FHAD1: variants seen among roughly 807,000 people sequenced by gnomAD.
The protein encoded by FHAD1 is forkhead-associated domain-containing protein 1.
FHAD1 carries 146 observed loss-of-function variants against 191.3 expected under a neutral mutation model. The ratio of observed to expected loss-of-function variants is 0.76; its 90% CI spans 0.67 to 0.88. FHAD1 has a LOEUF of 0.88. FHAD1 is among the 40% of genes least tolerant of loss of function. FHAD1 has a pLI of 0.00. For synonymous variants in FHAD1, 616 were observed against 672.3 expected (o/e 0.92, Z 1.29); for missense variants, 1,635 against 1,785.8 (o/e 0.92, Z 1.52).
chr1:15,237,505 A>C (rs1644908381), intron 1 of FHAD1, among the ~76,000 whole-genome samples: 3 of 151,704 alleles, frequency 2.0e-5, no homozygotes, highest in Non-Finnish European at 4.4e-5. Flanking sequence ...GCTCCACCCC[A>C]CGTGGAAGCA....
At chr1:15,271,625 G>C (rs1656043455) in intron 2 of FHAD1, among the ~76,000 whole-genome samples, 2 of 152,080 alleles carry the variant, frequency 1.3e-5, no homozygotes, top group Non-Finnish European at 2.9e-5. Flanking sequence ...CTAATCGCAT[G>C]GGAAATATTT....
chr1:15,371,134 A>T (rs1697966093), intron 26 of FHAD1, among the ~76,000 whole-genome samples: 1 of 152,146 alleles, frequency 6.6e-6, no homozygotes, highest in Non-Finnish European at 1.5e-5. Context: ...CTCCTGTTGG[A>T]ATCCCAGGCT....
At chr1:15,257,697 C>G (rs1056535805) in intron 2 of FHAD1, among the ~76,000 whole-genome samples, 14 of 152,208 alleles carry the variant, frequency 9.2e-5, no homozygotes, top group African/African-American at 3.1e-4. Flanking sequence ...CCCTTCAGCA[C>G]GTGGAGGGCT....
chr1:15,299,041 A>C (rs1214309110), intron 5 of FHAD1, among the ~76,000 whole-genome samples: 1 of 151,044 alleles, frequency 6.6e-6, no homozygotes, highest in Non-Finnish European at 1.5e-5. Flanking sequence ...AAACAACAAC[A>C]ACAAAAAAAC....
At chr1:15,354,124 A>G (rs372364166) in intron 20 of FHAD1, among the ~76,000 whole-genome samples, 1 of 152,320 alleles carries the variant, frequency 6.6e-6, no homozygotes. Flanking sequence ...ATTCACATCA[A>G]CCTTGGATCA....
intron 14 of FHAD1, among the ~76,000 whole-genome samples, chr1:15,333,175 A>G (rs1478633128): frequency 6.6e-6 from 1 of 152,192 alleles, no homozygotes; most frequent in African/African-American, 2.4e-5. Context: ...GGTAAAAGGC[A>G]TTTTCTCTTC....
chr1:15,308,879 A>G, intron 7 of FHAD1, 143 bp downstream of exon 7: 1 of 1,282,584 alleles, frequency 7.8e-7, no homozygotes, highest in Non-Finnish European at 1.1e-6. Context: ...CCCTTTAGGC[A>G]GTTCCTGTCC....
At chr1:15,336,829 G>GCT (rs1173265170) in intron 14 of FHAD1, among the ~76,000 whole-genome samples, 4 of 152,168 alleles carry the variant, frequency 2.6e-5, no homozygotes, top group Non-Finnish European at 5.9e-5. Flanking sequence ...CCTGCCCAAC[G>GCT]CTCTTCATTC....
chr1:15,359,093 G>T (rs918383427), intron 21 of FHAD1, among the ~76,000 whole-genome samples: 2 of 152,164 alleles, frequency 1.3e-5, no homozygotes, highest in African/African-American at 4.8e-5. Flanking sequence ...GGACCTGATG[G>T]CATAGGGACG....
intron 2 of FHAD1, among the ~76,000 whole-genome samples, chr1:15,253,099 T>TA (rs1213358344): frequency 1.3e-5 from 2 of 151,872 alleles, no homozygotes. Context: ...AGTGGTTACT[T>TA]ACTATGTGTG....
At chr1:15,353,093 G>GAGA in intron 20 of FHAD1, 109 bp downstream of exon 20, 5 of 771,904 alleles carry the variant, frequency 6.5e-6, no homozygotes, top group Non-Finnish European at 1.1e-5. Flanking sequence ...CCTGGCTGGG[G>GAGA]GACTTCAGGC....
intron 14 of FHAD1, among the ~76,000 whole-genome samples, chr1:15,335,932 A>G (rs1683869195): frequency 6.6e-6 from 1 of 152,060 alleles, no homozygotes; most frequent in Admixed American, 6.5e-5. Flanking sequence ...CCTGGGTCAC[A>G]CGTTGCAGCC....
intron 18 of FHAD1, 108 bp downstream of exon 18, chr1:15,345,631 C>T (rs995412227): frequency 2.3e-5 from 21 of 913,896 alleles, no homozygotes; most frequent in African/African-American, 1.3e-4. Context: ...GAGCCTTCCT[C>T]GTGGAGTTTG....
chr1:15,368,666 C>A (rs1454189518), intron 25 of FHAD1, among the ~76,000 whole-genome samples: 1 of 152,136 alleles, frequency 6.6e-6, no homozygotes, highest in East Asian at 1.9e-4. Flanking sequence ...TAGACCAGGC[C>A]CAGTGGCTCA....
chr1:15,250,961 G>C (rs1780607), intron 1 of FHAD1, among the ~76,000 whole-genome samples: 44,063 of 151,928 alleles, frequency 0.29, 7,400 homozygotes, highest in Non-Finnish European at 0.39. Flanking sequence ...TGTGTGCCAG[G>C]CACCATTCTA....
rs181715939 is a variant in FHAD1 at position 15,336,079 on chromosome 1, C to T, written c.1907-3402C>T. On this transcript the variant is annotated intron_variant, in intron 14 of 33. Coordinates refer to ENST00000688493, the MANE Select transcript of FHAD1 (RefSeq NM_001391957.1). ...GTATCCTTGCAATGCACCTCTCCAACGCACCAACCCAACCCTGTACTCTCA... is the reference window on the plus strand; with the variant it reads ...GTATCCTTGCAATGCACCTCTCCAATGCACCAACCCAACCCTGTACTCTCA... Among the ~76,000 whole-genome samples, 16 of 152,284 alleles carry T rather than the reference C, an allele frequency of 1.1e-4. 1 individual carries two copies. The highest frequency in any genetic ancestry group is 7.8e-4 in the Admixed American group (12 of 15,298).
intron 2 of FHAD1, among the ~76,000 whole-genome samples, chr1:15,255,998 C>G (rs192873347): frequency 1.2e-4 from 19 of 152,322 alleles, no homozygotes; most frequent in Non-Finnish European, 2.4e-4. Context: ...ACCAGGAGCT[C>G]CTTTCAGAAT....
rs115387196 is a variant in FHAD1, at chr1:15,382,236, G to C, written c.4188+43G>C. The C allele has an allele frequency of 7.3e-4, 1,131 of 1,539,618 alleles. 8 individuals carry two copies. The African/African-American group carries it at 0.013, about 18-fold the overall frequency. On this transcript the variant is annotated intron_variant, in intron 31 of 33. Coordinates refer to ENST00000688493, the MANE Select transcript of FHAD1 (RefSeq NM_001391957.1). ...AGGGCAGAACCTCCCAGGCTGCCCT[G>C]CAGCTCCCATTAGCAATGGCCGAGG...
intron 6 of FHAD1, among the ~76,000 whole-genome samples, chr1:15,301,751 G>T (rs1368285372): frequency 1.3e-5 from 2 of 152,202 alleles, no homozygotes; most frequent in African/African-American, 2.4e-5. Flanking sequence ...GCCCAGGCCG[G>T]GCGCTGTGGC....
Sources: gnomAD v4.1 joint callset for allele counts (sites outside exome capture counted in the v4.1 genomes callset) on GRCh38, gnomAD v4.1.1 for gene constraint, MANE v1.5 for transcripts, NCBI Gene and HGNC (gene_info 2026-07-23, HGNC 2026-07-21) for gene names.